Variants in MIGA1 observed in about 807,000 individuals in gnomAD.
MIGA1 encodes family with sequence similarity 73, member A.
In MIGA1, 58 loss-of-function variants were observed where a neutral mutation model predicts 82.0. The ratio of observed to expected loss-of-function variants is 0.71; its 90% CI spans 0.57 to 0.88. MIGA1 has a LOEUF of 0.88. Among genes scored for constraint, MIGA1 ranks in the 40% least tolerant of loss-of-function variants. The pLI is 0.00. For missense variants in MIGA1, 751 were observed against 749.1 expected, an observed-to-expected ratio of 1.00 and a Z score of -0.03; for synonymous variants, 249 against 253.6, an observed-to-expected ratio of 0.98 and a Z score of 0.17.
At chr1:77,863,239 C>G (rs943858823) in intron 12 of MIGA1, among the ~76,000 whole-genome samples, 2 of 152,126 alleles carry the variant, frequency 1.3e-5, no homozygotes, top group African/African-American at 4.8e-5. Context: ...CCCTCTTGGC[C>G]TAAGTGCCTG....
In MIGA1 at chr1:77,878,172, TAACC is replaced by T. The variant is rs1409513448; in HGVS notation, c.*3109_*3112del. 1 of 152,278 alleles carries T rather than the reference TAACC, an allele frequency of 6.6e-6. No individual in the cohort carries two copies. The highest frequency in any genetic ancestry group is 1.5e-5 in the Non-Finnish European group (1 of 68,146). 9.4% of individuals were successfully genotyped at this position (152,278 alleles called of 1,614,324 possible). A position where few individuals can be genotyped will look rare whatever the true frequency, so the allele number is the denominator to read the frequency against. On this transcript the variant is annotated 3_prime_UTR_variant, in exon 16 of 16. Transcript: ENST00000370791. ...ACTTTGGGAGGCCCAAGTGGGCAGA[TAACC>T]TGAGGTCAGGAGTTTGAGACCAGCC...
intron 8 of MIGA1, among the ~76,000 whole-genome samples, chr1:77,858,369 G>A (rs1685342118): frequency 6.6e-6 from 1 of 151,750 alleles, no homozygotes; most frequent in Non-Finnish European, 1.5e-5. Context: ...ATACAGTATT[G>A]GTTTTCTGTA....
intron 8 of MIGA1, among the ~76,000 whole-genome samples, chr1:77,843,867 G>T (rs919019890): frequency 1.3e-5 from 2 of 151,898 alleles, no homozygotes; most frequent in African/African-American, 4.8e-5. Context: ...AGGAGGCTGA[G>T]GTGGAAGGAT....
At position 77,836,245 on chromosome 1, in the gene MIGA1, A is replaced by G. The variant is rs141183987; in HGVS notation, c.896-7062A>G. 3.2e-4 allele frequency among the ~76,000 whole-genome samples: 48 copies of G among 152,354 alleles called. No individual in the cohort carries two copies. In the East Asian group the frequency reaches 9.1e-3, roughly 29 times the overall value. On this transcript the variant is annotated intron_variant, in intron 7 of 15. Coordinates refer to ENST00000370791, the MANE Select transcript of MIGA1 (RefSeq NM_198549.4). ...CACTCAAGTTATATTACAAATGGGA[A>G]TATTGAGGAACAGAGAAGATAAGAA...
intron 8 of MIGA1, among the ~76,000 whole-genome samples, chr1:77,846,007 A>G (rs750342077): frequency 2.3e-4 from 34 of 149,100 alleles, no homozygotes; most frequent in Admixed American, 4.1e-4. Flanking sequence ...CATAAAATTC[A>G]CCCTTTTAAA....
intron 7 of MIGA1, among the ~76,000 whole-genome samples, chr1:77,839,625 A>C (rs1225472167): frequency 6.6e-6 from 1 of 151,982 alleles, no homozygotes; most frequent in African/African-American, 2.4e-5. Context: ...CTCCCGCCTC[A>C]GCCTCCCAAA....
intron 2 of MIGA1, among the ~76,000 whole-genome samples, chr1:77,787,568 T>C (rs1220311904): frequency 5.3e-5 from 8 of 151,838 alleles, no homozygotes; most frequent in Admixed American, 5.3e-4. Context: ...TTTGTATTTT[T>C]AATAGAGTCA....
chr1:77,872,489 T>C (rs1244530432), intron 14 of MIGA1, among the ~76,000 whole-genome samples: 1 of 152,038 alleles, frequency 6.6e-6, no homozygotes, highest in African/African-American at 2.4e-5. Context: ...TGGTTCCAGC[T>C]ACCTGGAATT....
chr1:77,863,211 T>C (rs1426649695), intron 12 of MIGA1, among the ~76,000 whole-genome samples: 2 of 152,170 alleles, frequency 1.3e-5, no homozygotes, highest in Non-Finnish European at 2.9e-5. Context: ...TTCTTCGACT[T>C]TTCTCTCTTT....
intron 15 of MIGA1, 104 bp from the exon 16 acceptor site, chr1:77,874,742 T>A: frequency 1.3e-6 from 1 of 743,120 alleles, no homozygotes; most frequent in Non-Finnish European, 2.2e-6. Flanking sequence ...GCACTGGAAG[T>A]CAGGTCTTCT....
intron 12 of MIGA1, among the ~76,000 whole-genome samples, chr1:77,863,325 A>T (rs976845318): frequency 7.2e-5 from 11 of 152,076 alleles, no homozygotes; most frequent in African/African-American, 1.9e-4. Flanking sequence ...CCCTGCATTC[A>T]TTCTTTCCCC....
chr1:77,800,107 G>T (rs1233301848), intron 2 of MIGA1, among the ~76,000 whole-genome samples: 1 of 152,142 alleles, frequency 6.6e-6, no homozygotes, highest in Admixed American at 6.6e-5. Flanking sequence ...GAAAGGTTAT[G>T]GTGCTGGTTC....
intron 14 of MIGA1, among the ~76,000 whole-genome samples, chr1:77,869,625 T>G (rs1571022001): frequency 1.6e-5 from 2 of 123,810 alleles, no homozygotes; most frequent in African/African-American, 5.7e-5. Flanking sequence ...AGAGGGGTCC[T>G]CACTTCCCAG....
chr1:77,863,956 T>C lies in MIGA1; in HGVS notation c.1437T>C (p.Asp479=). 6.2e-7 allele frequency: 1 copy of C among 1,605,322 alleles called. No individual in the cohort carries two copies. The highest frequency in any genetic ancestry group is 8.5e-7 in the Non-Finnish European group (1 of 1,177,356). Residue 479 remains aspartate (D), a synonymous_variant, in exon 13 of 16, where the codon GAT becomes GAC. Transcript: ENST00000370791. ...TTATATTAATGGACTCCTTTGAAGA[T>C]TTGGAAAACCCACCCACATCCATAC...
In MIGA1 at chr1:77,787,590, T is replaced by C. The variant is rs180750551; in HGVS notation, c.195+4239T>C. On this transcript the variant is annotated intron_variant, in intron 2 of 15. Transcript: ENST00000370791. The stretch of plus-strand genomic sequence containing the variant: ...TTTTAATAGAGTCAGGGTTTTGCCA[T>C]GCTGGCCAGGCTCGTCTGGAACTCC... Among the ~76,000 whole-genome samples the C allele has an allele frequency of 2.8e-3, 432 of 151,754 alleles. 8 individuals carry two copies. Among genetic ancestry groups the C allele is most frequent in the African/African-American group, 9.9e-3 (409 of 41,404 alleles).
rs541103603 is a variant in MIGA1, at chr1:77,836,312, A to G, written c.896-6995A>G. Among the ~76,000 whole-genome samples, 30 of 152,338 alleles carry G rather than the reference A, an allele frequency of 2.0e-4. No homozygotes were observed. In the East Asian group the frequency reaches 5.6e-3, roughly 28 times the overall value. On this transcript the variant is annotated intron_variant, in intron 7 of 15. Transcript: ENST00000370791. Reference sequence around the variant, plus strand: ...ACAGCTAATAAGTAACAGAGTCAGTATTGGAATTCAGCTCTAGAACCCATG... The same window carrying G: ...ACAGCTAATAAGTAACAGAGTCAGTGTTGGAATTCAGCTCTAGAACCCATG...
intron 5 of MIGA1, among the ~76,000 whole-genome samples, chr1:77,812,314 C>A (rs112848660): frequency 1.1e-4 from 17 of 152,166 alleles, no homozygotes; most frequent in African/African-American, 4.1e-4. Context: ...ACTAAAAATA[C>A]AAAAATTAGC....
At chr1:77,811,361 C>T (rs1683320543) in intron 5 of MIGA1, 1 of 1,607,034 alleles carries the variant, frequency 6.2e-7, no homozygotes, top group African/African-American at 1.3e-5. Flanking sequence ...GACCCTGCTC[C>T]AGCACCACCC....
chr1:77,863,938 A>T lies in MIGA1; in HGVS notation c.1419A>T (p.Leu473Phe). Residue 473 changes from leucine to phenylalanine, a missense_variant, in exon 13 of 16, where the codon TTA (leucine) becomes TTT (phenylalanine). By Grantham distance (22) the Leu-to-Phe change is conservative. This residue lies in a region of MIGA1 where 265 missense variants were observed against 293.6 expected (regional missense o/e 0.90). Transcript: ENST00000370791. ...ATGATGTTGTTCTGGATTTTATATT[A>T]ATGGACTCCTTTGAAGATTTGGAAA... The T allele has an allele frequency of 6.3e-7, 1 of 1,593,578 alleles. No homozygotes were observed. Among genetic ancestry groups the T allele is most frequent in the Non-Finnish European group, 8.6e-7 (1 of 1,169,416 alleles).
Sources: gnomAD v4.1 joint callset for allele counts (sites outside exome capture counted in the v4.1 genomes callset) on GRCh38, gnomAD v4.1.1 for gene constraint, gnomAD v4.1.1 regional missense constraint, MANE v1.5 for transcripts, NCBI Gene and HGNC (gene_info 2026-07-23, HGNC 2026-07-21) for gene names.